SPATA6: variants seen among roughly 807,000 people sequenced by gnomAD.
The protein encoded by SPATA6 is spermatogenesis associated 6.
Under a neutral mutation model 65.3 loss-of-function variants are expected in SPATA6, and 56 were observed. That is an observed-to-expected ratio of 0.86 (90% confidence interval 0.69 to 1.07). The LOEUF is 1.07. Among genes scored for constraint, SPATA6 ranks in the 50% least tolerant of loss-of-function variants. The pLI is 0.00. For missense variants in SPATA6, 590 were observed against 594.8 expected, an observed-to-expected ratio of 0.99 and a Z score of 0.08; for synonymous variants, 199 against 213.2, an observed-to-expected ratio of 0.93 and a Z score of 0.58.
intron 11 of SPATA6, among the ~76,000 whole-genome samples, chr1:48,316,445 T>G (rs866659440): frequency 1.3e-5 from 2 of 152,216 alleles, no homozygotes; most frequent in South Asian, 2.1e-4. Flanking sequence ...GGATTCCCTA[T>G]TTAATAAATA....
intron 5 of SPATA6, among the ~76,000 whole-genome samples, chr1:48,409,746 C>A (rs747393818): frequency 2.0e-5 from 3 of 152,254 alleles, no homozygotes; most frequent in Non-Finnish European, 4.4e-5. Flanking sequence ...AGGCTTGAGG[C>A]CTGCACCCTC....
intron 3 of SPATA6, among the ~76,000 whole-genome samples, chr1:48,432,710 C>G (rs904742238): frequency 6.6e-6 from 1 of 152,064 alleles, no homozygotes; most frequent in African/African-American, 2.4e-5. Flanking sequence ...TACAATGGAA[C>G]AGTATGGTAA....
chr1:48,322,551 A>C (rs1452911352), intron 11 of SPATA6, among the ~76,000 whole-genome samples: 1 of 152,230 alleles, frequency 6.6e-6, no homozygotes, highest in East Asian at 1.9e-4. Context: ...ATGGCAACAA[A>C]AGCCAAAATA....
intron 8 of SPATA6, among the ~76,000 whole-genome samples, chr1:48,394,244 G>A (rs189093763): frequency 6.6e-6 from 1 of 151,956 alleles, no homozygotes; most frequent in East Asian, 1.9e-4. Flanking sequence ...GCAACTGACT[G>A]CTTTGATTAA....
At chr1:48,333,509 C>G (rs1449095329) in intron 11 of SPATA6, among the ~76,000 whole-genome samples, 1 of 152,192 alleles carries the variant, frequency 6.6e-6, no homozygotes, top group African/African-American at 2.4e-5. Context: ...CATAAACTCT[C>G]TTTCATGTAT....
chr1:48,387,283 G>A (rs1018637756), intron 8 of SPATA6, among the ~76,000 whole-genome samples: 18 of 152,088 alleles, frequency 1.2e-4, no homozygotes, highest in African/African-American at 3.6e-4. Context: ...GATTTGGGTG[G>A]GGGCACAGCC....
chr1:48,302,367 T>C (rs540785795), intron 12 of SPATA6, among the ~76,000 whole-genome samples: 1 of 152,174 alleles, frequency 6.6e-6, no homozygotes, highest in East Asian at 1.9e-4. Context: ...TCCCGCCTTT[T>C]AGAATCTCCA....
the SPATA6 span, among the ~76,000 whole-genome samples, chr1:48,279,281 C>A: frequency 6.6e-6 from 1 of 152,136 alleles, no homozygotes; most frequent in Non-Finnish European, 1.5e-5. Flanking sequence ...AACTAACGAG[C>A]AAAATAACCA....
At chr1:48,391,488 C>G (rs1396274510) in intron 8 of SPATA6, among the ~76,000 whole-genome samples, 1 of 152,064 alleles carries the variant, frequency 6.6e-6, no homozygotes, top group Non-Finnish European at 1.5e-5. Context: ...TATGTTAAAG[C>G]ACTCGTATGG....
At chr1:48,423,572 T>TG in intron 3 of SPATA6, among the ~76,000 whole-genome samples, 1 of 146,814 alleles carries the variant, frequency 6.8e-6, no homozygotes, top group African/African-American at 2.5e-5. Context: ...TTCTTTTTTT[T>TG]TTTTTTTTTT....
chr1:48,443,364 A>T (rs1225321987), intron 3 of SPATA6, among the ~76,000 whole-genome samples: 1 of 152,244 alleles, frequency 6.6e-6, no homozygotes, highest in Non-Finnish European at 1.5e-5. Flanking sequence ...CAAGTCTGTC[A>T]GCACAGGGCC....
At chr1:48,270,128 G>A in the SPATA6 span, among the ~76,000 whole-genome samples, 1 of 152,054 alleles carries the variant, frequency 6.6e-6, no homozygotes, top group South Asian at 2.1e-4. Context: ...CAGCTAAAGA[G>A]GTGACTGGGG....
intron 9 of SPATA6, among the ~76,000 whole-genome samples, chr1:48,369,148 TG>T (rs1364152168): frequency 5.3e-5 from 8 of 152,188 alleles, no homozygotes; most frequent in African/African-American, 1.9e-4. Flanking sequence ...ATCGGTCCTC[TG>T]GAAGTTTTGT....
intron 3 of SPATA6, among the ~76,000 whole-genome samples, chr1:48,434,677 A>T (rs1654726264): frequency 6.6e-6 from 1 of 152,090 alleles, no homozygotes; most frequent in African/African-American, 2.4e-5. Context: ...GTGAGAGAAC[A>T]TCTGTGGTGC....
At position 48,429,089 on chromosome 1, in the gene SPATA6, T is replaced by C. The variant is rs893828433; in HGVS notation, c.239-15938A>G. Among the ~76,000 whole-genome samples, 20 of 151,614 alleles carry C rather than the reference T, an allele frequency of 1.3e-4. No individual in the cohort carries two copies. The South Asian group carries it at 1.7e-3, about 13-fold the overall frequency. On this transcript the variant is annotated intron_variant, in intron 3 of 12. Transcript: ENST00000371847. Reference sequence around the variant, plus strand: ...CTCCAACCCACTGCAGGCAGATAAGTACTTTTTTTAGGAGCAACCTGCACA... The same window carrying C: ...CTCCAACCCACTGCAGGCAGATAAGCACTTTTTTTAGGAGCAACCTGCACA...
At chr1:48,411,347 A>C (rs1652207780) in intron 5 of SPATA6, 117 bp downstream of exon 5, 5 of 1,183,630 alleles carry the variant, frequency 4.2e-6, no homozygotes, top group Middle Eastern at 4.2e-4. Flanking sequence ...AAAACAATTA[A>C]GTAAACTAAA....
chr1:48,461,866 A>G (rs1657455852), intron 1 of SPATA6, among the ~76,000 whole-genome samples: 1 of 152,182 alleles, frequency 6.6e-6, no homozygotes, highest in South Asian at 2.1e-4. Flanking sequence ...AGGACTATAA[A>G]CCATGCTGCT....
At chr1:48,307,901 T>C (rs1645101558) in intron 11 of SPATA6, among the ~76,000 whole-genome samples, 1 of 151,970 alleles carries the variant, frequency 6.6e-6, no homozygotes, top group South Asian at 2.1e-4. Context: ...GTCCAATATT[T>C]GTGTAGCCAC....
chr1:48,364,847 G>A (rs1434966232), intron 9 of SPATA6, among the ~76,000 whole-genome samples: 2 of 152,066 alleles, frequency 1.3e-5, no homozygotes, highest in African/African-American at 2.4e-5. Flanking sequence ...CACCGCTTTT[G>A]GTGTTTTAGA....
Sources: gnomAD v4.1 joint callset for allele counts (sites outside exome capture counted in the v4.1 genomes callset) on GRCh38, gnomAD v4.1.1 for gene constraint, MANE v1.5 for transcripts, NCBI Gene and HGNC (gene_info 2026-07-23, HGNC 2026-07-21) for gene names.